Variants in HECTD4 observed in about 807,000 individuals in gnomAD.
HECTD4 encodes probable E3 ubiquitin-protein ligase HECTD4.
HECTD4 carries 114 observed loss-of-function variants against 471.5 expected under a neutral mutation model. The observed-to-expected ratio is 0.24, with a 90% CI of 0.21 to 0.28. HECTD4 has a LOEUF of 0.28. Among genes scored for constraint, HECTD4 ranks in the 10% least tolerant of loss-of-function variants. The pLI, the probability that HECTD4 is intolerant of heterozygous loss-of-function variation, is 1.00. For missense variants in HECTD4, 3,866 were observed against 5,651.5 expected (o/e 0.68, Z 10.13); for synonymous variants, 2,012 against 2,256.0 (o/e 0.89, Z 3.07).
At chr12:112,164,678 T>A (rs1399090095) in intron 72 of HECTD4, among the ~76,000 whole-genome samples, 3 of 151,676 alleles carry the variant, frequency 2.0e-5, no homozygotes, top group Non-Finnish European at 4.4e-5. Flanking sequence ...TGGAGTGCAA[T>A]GGCGCAATCT....
chr12:112,372,667 C>A (rs954387477), intron 1 of HECTD4, among the ~76,000 whole-genome samples: 7 of 151,574 alleles, frequency 4.6e-5, no homozygotes, highest in Admixed American at 3.3e-4. Flanking sequence ...TGGCCTCAAG[C>A]AATTCTCCTG....
intron 34 of HECTD4, among the ~76,000 whole-genome samples, chr12:112,237,831 T>C (rs2135574206): frequency 6.6e-6 from 1 of 152,150 alleles, no homozygotes; most frequent in East Asian, 1.9e-4. Flanking sequence ...CTTGGTTCAC[T>C]GCAACCTCCG....
rs1441726436 is a variant in HECTD4, at chr12:112,274,850, A to G, written c.1798T>C (p.Leu600=). 6.5e-7 allele frequency: 1 copy of G among 1,538,778 alleles called. No homozygotes were observed. The highest frequency in any genetic ancestry group is 1.2e-5 in the South Asian group (1 of 83,754). ...SLGRGALVPG[L]GACYDTVNNM... ...TATGTGCAAGTTTATTTCTTACCCA[A>G]TCCTGGTACGAGAGCACCACGCCCC... Residue 600 remains leucine, a synonymous_variant, in exon 10 of 76, where the codon TTG becomes CTG. Transcript: ENST00000682272.
At chr12:112,220,813 A>G (rs1012459751) in intron 44 of HECTD4, among the ~76,000 whole-genome samples, 2 of 151,462 alleles carry the variant, frequency 1.3e-5, no homozygotes, top group African/African-American at 4.9e-5. Flanking sequence ...AATAAACAAG[A>G]GATAAGAAGC....
At chr12:112,352,394 A>G (rs893975946) in intron 1 of HECTD4, among the ~76,000 whole-genome samples, 1 of 147,914 alleles carries the variant, frequency 6.8e-6, no homozygotes, top group Non-Finnish European at 1.5e-5. Flanking sequence ...GGAGTGCTGC[A>G]GCACAATCTC....
chr12:112,344,786 C>T (rs1013557572), intron 1 of HECTD4, among the ~76,000 whole-genome samples: 11 of 151,934 alleles, frequency 7.2e-5, no homozygotes, highest in South Asian at 2.1e-4. Flanking sequence ...GGCGTGGTGG[C>T]GCATGCCTGT....
At chr12:112,317,338 C>G (rs752799486) in intron 2 of HECTD4, among the ~76,000 whole-genome samples, 2 of 152,206 alleles carry the variant, frequency 1.3e-5, no homozygotes, top group Non-Finnish European at 2.9e-5. Context: ...ACAATAAACA[C>G]TGGTGCCATT....
chr12:112,248,130 A>G lies in HECTD4; in HGVS notation c.4185T>C (p.Asp1395=). 1 of 1,613,662 alleles carries G rather than the reference A, an allele frequency of 6.2e-7. No individual in the cohort carries two copies. Among genetic ancestry groups the G allele is most frequent in the Non-Finnish European group, 8.5e-7 (1 of 1,179,766 alleles). The stretch of plus-strand genomic sequence containing the variant: ...TCTCCAGTTTCCCCTGCATGGCATC[A>G]TCAACTTCACTTTGCCATTTTTGTT... The part of the protein sequence containing the change: ...ELEQKWQSEV[D]DAMQGKLENN... Residue 1395 remains aspartate (D), a synonymous_variant, in exon 27 of 76, where the codon GAT becomes GAC. Transcript: ENST00000682272.
chr12:112,175,294 C>T lies in HECTD4; in HGVS notation c.11594+442G>A, dbSNP rs540338045. Among the ~76,000 whole-genome samples the T allele has an allele frequency of 1.6e-4, 24 of 152,310 alleles. No individual in the cohort carries two copies. The East Asian group carries it at 4.4e-3, about 28-fold the overall frequency. On this transcript the variant is annotated intron_variant, in intron 66 of 75. Transcript: ENST00000682272. ...CTCCTAATCCAACAGGACTGGTATC[C>T]TTGTAAGAACAGGAGATTAGGACAC...
rs1037595323 is a variant in HECTD4 at position 112,239,902 on chromosome 12, A to G, written c.5084T>C (p.Leu1695Ser). The stretch of plus-strand genomic sequence containing the variant: ...TTACCTGGTGTAAGGTATGGTACAT[A>G]AGAGTCCAATGCTATTTGCGCAAGC... ...PIACANSIGL[L>S]CTIPYTRSEE... is the part of the protein sequence containing the mutation. Residue 1695 changes from leucine (L) to serine (S), a missense_variant, in exon 33 of 76, where the codon TTA (leucine) becomes TCA (serine). By Grantham distance (145) the Leu-to-Ser change is moderately radical. Around this residue, in one of 16 missense-constraint regions of HECTD4, gnomAD observed 229 missense variants for 386.4 expected, o/e 0.59. Transcript: ENST00000682272. The surrounding 1 kb of genome is among the most constrained non-coding windows in gnomAD (Gnocchi z 4.9). 1.9e-6 allele frequency: 3 copies of G among 1,613,908 alleles called. No individual in the cohort carries two copies. The highest frequency in any genetic ancestry group is 1.3e-5 in the African/African-American group (1 of 74,942).
rs775969688 is a variant in HECTD4 at position 112,283,090 on chromosome 12, G to A, written c.1528+20C>T. On this transcript the variant is annotated intron_variant, in intron 8 of 75. Transcript: ENST00000682272. Reference sequence around the variant, plus strand: ...AGAGCTATACAAGGAAACAGATCTGGGAAGCACAGAGTAACATACCTGCTT... The same window carrying A: ...AGAGCTATACAAGGAAACAGATCTGAGAAGCACAGAGTAACATACCTGCTT... The A allele has an allele frequency of 1.2e-6, 2 of 1,600,362 alleles. No individual in the cohort carries two copies. The highest frequency in any genetic ancestry group is 3.4e-5 in the Admixed American group (2 of 58,900).
chr12:112,335,544 T>G (rs1837045421), intron 1 of HECTD4, among the ~76,000 whole-genome samples: 1 of 152,018 alleles, frequency 6.6e-6, no homozygotes, highest in Admixed American at 6.6e-5. Context: ...AAAAATTAGC[T>G]GGGCACAGTG....
intron 1 of HECTD4, among the ~76,000 whole-genome samples, chr12:112,367,298 CAAA>C (rs1007644715): frequency 7.3e-5 from 6 of 81,754 alleles, no homozygotes; most frequent in Admixed American, 3.1e-4. Context: ...GACTTGGTCT[CAAA>C]AAAAAAAAGA....
chr12:112,224,507 C>A (rs1167627340), intron 44 of HECTD4, among the ~76,000 whole-genome samples: 1 of 152,152 alleles, frequency 6.6e-6, no homozygotes, highest in Non-Finnish European at 1.5e-5. Flanking sequence ...ACCTCATGAT[C>A]TGCCTGCCTC....
chr12:112,296,012 A>T (rs1239246474), intron 7 of HECTD4, among the ~76,000 whole-genome samples: 3 of 152,188 alleles, frequency 2.0e-5, no homozygotes, highest in African/African-American at 7.2e-5. Flanking sequence ...AGAAGCAGCC[A>T]TGTGGTTATC....
In HECTD4 at chr12:112,239,799, T is replaced by C; in HGVS notation, c.5105+82A>G. ...TGGATAATGAAAGCAAAAAATCCAA[T>C]TTTTAAAATTAAAAATACTTTCACT... On this transcript the variant is annotated intron_variant, in intron 33 of 75. Coordinates refer to ENST00000682272, the MANE Select transcript of HECTD4 (RefSeq NM_001388303.1). This position sits in a 1 kb window ranked among gnomAD's most constrained non-coding sequence, Gnocchi z 4.9. 1 of 1,383,304 alleles carries C rather than the reference T, an allele frequency of 7.2e-7. No individual in the cohort carries two copies. The highest frequency in any genetic ancestry group is 9.7e-7 in the Non-Finnish European group (1 of 1,030,642). 85.7% of individuals were successfully genotyped at this position (1,383,304 alleles called of 1,614,324 possible).
intron 44 of HECTD4, among the ~76,000 whole-genome samples, chr12:112,223,906 A>G (rs2033162520): frequency 2.0e-5 from 3 of 152,192 alleles, no homozygotes; most frequent in African/African-American, 7.2e-5. Context: ...TTGATTAAAT[A>G]TTTTAAAATT....
chr12:112,349,069 A>G (rs569239958), intron 1 of HECTD4, among the ~76,000 whole-genome samples: 59 of 152,348 alleles, frequency 3.9e-4, no homozygotes, highest in South Asian at 8.3e-4. Flanking sequence ...CAAAACAAAA[A>G]TAAAATATTT....
At chr12:112,333,180 T>A (rs893587851) in intron 1 of HECTD4, among the ~76,000 whole-genome samples, 3 of 152,264 alleles carry the variant, frequency 2.0e-5, no homozygotes, top group Non-Finnish European at 4.4e-5. Context: ...GCACAGGTTA[T>A]ACAGACATGT....
Sources: gnomAD v4.1 joint callset for allele counts (sites outside exome capture counted in the v4.1 genomes callset) on GRCh38, gnomAD v4.1.1 for gene constraint, gnomAD v4.1.1 regional missense constraint, Gnocchi (gnomAD v3.1) non-coding constraint, MANE v1.5 for transcripts, NCBI Gene and HGNC (gene_info 2026-07-23, HGNC 2026-07-21) for gene names.